The following SLC7A14 variants were observed in gnomAD, a reference collection of about 807,000 sequenced individuals.
The protein encoded by SLC7A14 is solute carrier family 7 member 14, also known as gamma-aminobutyric acid transporter SLC7A14.
A neutral mutation model predicts 60.2 loss-of-function variants in SLC7A14; 37 were observed. The ratio of observed to expected loss-of-function variants is 0.61; its 90% CI spans 0.47 to 0.81. SLC7A14 has a LOEUF of 0.81. SLC7A14 is among the 30% of genes least tolerant of loss of function. The pLI, the probability that SLC7A14 is intolerant of heterozygous loss-of-function variation, is 0.00. For synonymous variants in SLC7A14, 399 were observed against 395.8 expected (o/e 1.01, Z -0.10); for missense variants, 886 against 982.7 (o/e 0.90, Z 1.32).
chr3:170,479,388 A>G (rs1461267021), intron 7 of SLC7A14, among the ~76,000 whole-genome samples: 1 of 152,170 alleles, frequency 6.6e-6, no homozygotes, highest in Admixed American at 6.5e-5. Flanking sequence ...TACACTTCTC[A>G]AGTTCTTACT....
chr3:170,495,808 G>A (rs1712372571), intron 4 of SLC7A14: 1 of 1,127,564 alleles, frequency 8.9e-7, no homozygotes, highest in East Asian at 2.3e-5. Flanking sequence ...GAGACCAAGT[G>A]GAGCCTCCTG....
chr3:170,538,726 A>G (rs993747513), intron 1 of SLC7A14, among the ~76,000 whole-genome samples: 4 of 152,224 alleles, frequency 2.6e-5, no homozygotes, highest in Admixed American at 6.5e-5. Flanking sequence ...AGAAAAAGAT[A>G]GCCCCTGCCC....
At chr3:170,523,871 C>A (rs900616190) in intron 2 of SLC7A14, among the ~76,000 whole-genome samples, 1 of 152,154 alleles carries the variant, frequency 6.6e-6, no homozygotes, top group African/African-American at 2.4e-5. Context: ...TAGTGACCAA[C>A]AATCATAAGA....
chr3:170,579,679 G>A (rs185056600), intron 1 of SLC7A14, among the ~76,000 whole-genome samples: 11 of 152,304 alleles, frequency 7.2e-5, no homozygotes, highest in African/African-American at 9.6e-5. Flanking sequence ...CTGCAATGTC[G>A]CTAGTTCTCC....
intron 2 of SLC7A14, among the ~76,000 whole-genome samples, chr3:170,515,311 C>T (rs1018153373): frequency 4.0e-5 from 4 of 99,700 alleles, no homozygotes; most frequent in Admixed American, 9.6e-5. Flanking sequence ...AGACTCTGTC[C>T]GCCCCCCCCA....
chr3:170,516,649 C>T lies in SLC7A14; in HGVS notation c.304+9984G>A, dbSNP rs564698597. ...GAGTGTGGTGATGCACACCTATAGC[C>T]TCAGCTACTGAGGAGGGTGAATTGG... On this transcript the variant is annotated intron_variant, in intron 2 of 7. Transcript: ENST00000231706. 2.6e-5 allele frequency among the ~76,000 whole-genome samples: 4 copies of T among 152,008 alleles called. No individual in the cohort carries two copies. The South Asian group carries it at 6.3e-4, about 24-fold the overall frequency.
chr3:170,510,437 CCTAT>C (rs1712943908), intron 2 of SLC7A14, among the ~76,000 whole-genome samples: 1 of 151,234 alleles, frequency 6.6e-6, no homozygotes, highest in African/African-American at 2.4e-5. Context: ...ATGTAACCAA[CCTAT>C]CTGTTTACTC....
chr3:170,504,004 A>C, intron 2 of SLC7A14, among the ~76,000 whole-genome samples: 1 of 152,338 alleles, frequency 6.6e-6, no homozygotes, highest in Admixed American at 6.5e-5. Context: ...ATCAGGCACT[A>C]ACCATACAAG....
rs1047707655 is a variant in SLC7A14, at chr3:170,532,620, A to G, written c.-152-5532T>C. Among the ~76,000 whole-genome samples the G allele has an allele frequency of 6.6e-6, 1 of 151,694 alleles. No individual in the cohort carries two copies. The highest frequency in any genetic ancestry group is 1.5e-5 in the Non-Finnish European group (1 of 67,986). Reference sequence around the variant, plus strand: ...TAGTACCGCGCCTGGCGTATAGTGCATGCTGTGGGAGCGTTAGCTAGCATC... The same window carrying G: ...TAGTACCGCGCCTGGCGTATAGTGCGTGCTGTGGGAGCGTTAGCTAGCATC... On this transcript the variant is annotated intron_variant, in intron 1 of 7. Transcript: ENST00000231706. This position sits in a 1 kb window ranked among gnomAD's most constrained non-coding sequence, Gnocchi z 4.0.
intron 2 of SLC7A14, among the ~76,000 whole-genome samples, chr3:170,509,483 C>T (rs1280122674): frequency 6.6e-6 from 1 of 151,992 alleles, no homozygotes; most frequent in East Asian, 1.9e-4. Flanking sequence ...CCCCCCAAAA[C>T]AGGTCAAGGA....
chr3:170,510,929 C>T (rs541315787), intron 2 of SLC7A14, among the ~76,000 whole-genome samples: 15 of 152,284 alleles, frequency 9.9e-5, no homozygotes, highest in Middle Eastern at 6.8e-3. Context: ...CTCAGACAAC[C>T]TGGGAGAGAA....
intron 2 of SLC7A14, among the ~76,000 whole-genome samples, chr3:170,509,362 A>G (rs1004991371): frequency 3.3e-5 from 5 of 152,202 alleles, no homozygotes; most frequent in African/African-American, 7.2e-5. Context: ...CAGGGCTCCA[A>G]TTAAAGTTGG....
intron 1 of SLC7A14, among the ~76,000 whole-genome samples, chr3:170,555,167 C>CA (rs201341261): frequency 0.21 from 31,558 of 147,614 alleles, 3,402 homozygotes; most frequent in South Asian, 0.24. Context: ...GACTTTGTCT[C>CA]AAAAAAAATA....
chr3:170,556,807 C>A (rs976449635), intron 1 of SLC7A14, among the ~76,000 whole-genome samples: 1 of 152,144 alleles, frequency 6.6e-6, no homozygotes, highest in Non-Finnish European at 1.5e-5. Context: ...CTACCATAGA[C>A]AGACACAGAC....
At chr3:170,568,703 T>C (rs966272789) in intron 1 of SLC7A14, among the ~76,000 whole-genome samples, 2 of 152,346 alleles carry the variant, frequency 1.3e-5, no homozygotes, top group Non-Finnish European at 2.9e-5. Flanking sequence ...TGGTTTGTAG[T>C]TCTCCTTGAA....
chr3:170,513,916 C>T (rs1005795594), intron 2 of SLC7A14, among the ~76,000 whole-genome samples: 2 of 152,208 alleles, frequency 1.3e-5, no homozygotes, highest in East Asian at 1.9e-4. Context: ...CCTCTCTGTT[C>T]CCTTGTGTAA....
chr3:170,469,512 A>G (rs1427154757), intron 7 of SLC7A14, among the ~76,000 whole-genome samples: 3 of 151,646 alleles, frequency 2.0e-5, no homozygotes, highest in South Asian at 2.1e-4. Flanking sequence ...GGGGGTGGCT[A>G]TGGGGGATGG....
rs1191042123 is a variant in SLC7A14, at chr3:170,462,068, G to A, written c.*4987C>T. ...TAAGCAGACCCCCGCTCTGGCTTCA[G>A]ACACATTTCCTGAGTTCTGACTTTT... On this transcript the variant is annotated 3_prime_UTR_variant, in exon 8 of 8. Transcript: ENST00000231706. The A allele has an allele frequency of 6.6e-6, 1 of 152,320 alleles. No homozygotes were observed. The highest frequency in any genetic ancestry group is 1.5e-5 in the Non-Finnish European group (1 of 68,126). 9.4% of individuals were successfully genotyped at this position (152,320 alleles called of 1,614,324 possible). A position where few individuals can be genotyped will look rare whatever the true frequency, so the allele number is the denominator to read the frequency against.
chr3:170,569,776 A>G (rs1483864259), intron 1 of SLC7A14, among the ~76,000 whole-genome samples: 2 of 151,956 alleles, frequency 1.3e-5, no homozygotes, highest in South Asian at 2.1e-4. Context: ...CATTTTTTCT[A>G]GATTTTCTAG....
Sources: gnomAD v4.1 joint callset for allele counts (sites outside exome capture counted in the v4.1 genomes callset) on GRCh38, gnomAD v4.1.1 for gene constraint, Gnocchi (gnomAD v3.1) non-coding constraint, MANE v1.5 for transcripts, NCBI Gene and HGNC (gene_info 2026-07-23, HGNC 2026-07-21) for gene names.